GHR: variants seen among roughly 807,000 people sequenced by gnomAD.
The protein encoded by GHR is GH receptor.
A neutral mutation model predicts 67.1 loss-of-function variants in GHR; 35 were observed. The observed-to-expected ratio is 0.52, with a 90% CI of 0.40 to 0.69. The LOEUF is 0.69. GHR is among the 30% of genes least tolerant of loss of function. GHR has a pLI of 0.00. For missense variants in GHR, 792 were observed against 764.6 expected (o/e 1.04, Z -0.42); for synonymous variants, 272 against 269.1 (o/e 1.01, Z -0.10).
At chr5:42,488,307 C>G (rs1745968673) in intron 1 of GHR, among the ~76,000 whole-genome samples, 1 of 152,112 alleles carries the variant, frequency 6.6e-6, no homozygotes, top group South Asian at 2.1e-4. Context: ...GATGGGAAAA[C>G]TGAGGTCCAG....
At chr5:42,470,819 G>A (rs549163148) in intron 1 of GHR, among the ~76,000 whole-genome samples, 16 of 152,210 alleles carry the variant, frequency 1.1e-4, no homozygotes, top group South Asian at 8.3e-4. Flanking sequence ...TCTAAATTTG[G>A]AGTAAAAAAT....
rs16872586 is a variant in GHR at position 42,467,879 on chromosome 5, T to C, written c.-12+43924T>C. ...AAGGCTGTATTTTCCCACAGATTTCTTACATTTCTGGTCTTCCTCTTCTTT... is the reference window on the plus strand; with the variant it reads ...AAGGCTGTATTTTCCCACAGATTTCCTACATTTCTGGTCTTCCTCTTCTTT... On this transcript the variant is annotated intron_variant, in intron 1 of 9. Coordinates refer to ENST00000230882, the MANE Select transcript of GHR (RefSeq NM_000163.5). The C allele has an allele frequency of 5.3e-3, 4,572 of 854,966 alleles. 141 individuals carry two copies. The African/African-American group carries it at 0.069, about 13-fold the overall frequency. 53.0% of individuals were successfully genotyped at this position (854,966 alleles called of 1,614,324 possible).
chr5:42,638,206 A>G (rs1182844607), intron 3 of GHR, among the ~76,000 whole-genome samples: 1 of 151,806 alleles, frequency 6.6e-6, no homozygotes, highest in Non-Finnish European at 1.5e-5. Context: ...CCCAAATACT[A>G]TACTGCCCCC....
At chr5:42,586,739 G>T (rs544619930) in intron 2 of GHR, among the ~76,000 whole-genome samples, 57 of 152,142 alleles carry the variant, frequency 3.7e-4, no homozygotes, top group African/African-American at 1.3e-3. Context: ...CCTCACCAAG[G>T]CCCCACTGAC....
At position 42,489,218 on chromosome 5, in the gene GHR, T is replaced by C. The variant is rs72561787; in HGVS notation, c.-12+65263T>C. ...CCCCACTCTTCTTACCTCATTTTCC[T>C]AGTCCTCTTTTCTTCTTTTTTTCAC... On this transcript the variant is annotated intron_variant, in intron 1 of 9. Coordinates refer to ENST00000230882, the MANE Select transcript of GHR (RefSeq NM_000163.5). Among the ~76,000 whole-genome samples, 1,253 of 152,312 alleles carry C rather than the reference T, an allele frequency of 8.2e-3. 24 individuals are homozygous for C. Among genetic ancestry groups the C allele is most frequent in the African/African-American group, 0.029 (1,200 of 41,582 alleles).
At chr5:42,563,345 T>C (rs2112465850) in intron 1 of GHR, among the ~76,000 whole-genome samples, 1 of 152,134 alleles carries the variant, frequency 6.6e-6, no homozygotes, top group East Asian at 1.9e-4. Flanking sequence ...CTGGGCACGG[T>C]GGCTCATACC....
At position 42,718,056 on chromosome 5, in the gene GHR, A is replaced by C. The variant is rs1758805541; in HGVS notation, c.880A>C (p.Lys294Gln). The C allele has an allele frequency of 6.4e-7, 1 of 1,566,626 alleles. No individual in the cohort carries two copies. Among genetic ancestry groups the C allele is most frequent in the South Asian group, 1.1e-5 (1 of 90,162 alleles). The stretch of plus-strand genomic sequence containing the variant: ...AAAATTTTATATGTTTTCAAGGATT[A>C]AAATGCTGATTCTGCCCCCAGTTCC... ...VFLFSKQQRI[K>Q]MLILPPVPVP... The change falls in exon 9 of 10, where the codon AAA (lysine) becomes CAA (glutamine). Residue 294 changes from lysine (K) to glutamine (Q), a missense_variant. Coordinates refer to ENST00000230882, the MANE Select transcript of GHR (RefSeq NM_000163.5).
In GHR at chr5:42,699,805, G is replaced by T; in HGVS notation, c.440-19G>T. 1 of 1,554,190 alleles carries T rather than the reference G, an allele frequency of 6.4e-7. No individual in the cohort carries two copies. Among genetic ancestry groups the T allele is most frequent in the Non-Finnish European group, 8.9e-7 (1 of 1,125,442 alleles). ...AAATTGTGTCTGTCTGTGTACTAAT[G>T]CTCTGTTGAATTGCACAGTGCAACC... On this transcript the variant is annotated intron_variant, in intron 5 of 9. Coordinates refer to ENST00000230882, the MANE Select transcript of GHR (RefSeq NM_000163.5).
chr5:42,702,636 G>A (rs1757985091), intron 6 of GHR, among the ~76,000 whole-genome samples: 1 of 151,922 alleles, frequency 6.6e-6, no homozygotes, highest in Non-Finnish European at 1.5e-5. Flanking sequence ...TTTCCATAGA[G>A]GGTATACTAA....
At chr5:42,613,137 C>G (rs1428003621) in intron 2 of GHR, among the ~76,000 whole-genome samples, 1 of 152,120 alleles carries the variant, frequency 6.6e-6, no homozygotes, top group Non-Finnish European at 1.5e-5. Context: ...ACCTACTTAG[C>G]CATTCTCCAG....
intron 2 of GHR, 24 bp downstream of exon 2, chr5:42,565,968 A>G (rs1009355322): frequency 6.2e-7 from 1 of 1,613,352 alleles, no homozygotes; most frequent in South Asian, 1.1e-5. Context: ...TTCCATTTCC[A>G]CCCTCAGTGT....
intron 2 of GHR, among the ~76,000 whole-genome samples, chr5:42,573,872 C>A (rs888365929): frequency 3.9e-5 from 6 of 152,024 alleles, no homozygotes; most frequent in Non-Finnish European, 7.4e-5. Flanking sequence ...AATTTTTTGG[C>A]AAAACCTTCC....
chr5:42,564,381 A>T (rs1478966154), intron 1 of GHR, among the ~76,000 whole-genome samples: 4 of 151,108 alleles, frequency 2.6e-5, no homozygotes, highest in East Asian at 2.0e-4. Context: ...AATCTCACAA[A>T]GTGTGTTCAT....
At chr5:42,489,583 T>A (rs1746026060) in intron 1 of GHR, among the ~76,000 whole-genome samples, 1 of 152,188 alleles carries the variant, frequency 6.6e-6, no homozygotes, top group Non-Finnish European at 1.5e-5. Context: ...ATGCAACAAC[T>A]ACAAAAGAAT....
chr5:42,686,379 A>C (rs1220454215), intron 3 of GHR, among the ~76,000 whole-genome samples: 1 of 152,146 alleles, frequency 6.6e-6, no homozygotes, highest in Non-Finnish European at 1.5e-5. Context: ...CAATAAAAAA[A>C]GAAAATTTTA....
intron 2 of GHR, among the ~76,000 whole-genome samples, chr5:42,580,983 C>T (rs1579988277): frequency 6.6e-6 from 1 of 152,280 alleles, no homozygotes; most frequent in East Asian, 1.9e-4. Context: ...TGAAAATTAC[C>T]ACTGAGTATT....
intron 1 of GHR, among the ~76,000 whole-genome samples, chr5:42,556,262 T>C (rs1294568655): frequency 2.0e-5 from 3 of 152,188 alleles, no homozygotes; most frequent in African/African-American, 4.8e-5. Flanking sequence ...AAGTATTTAG[T>C]ATACTATAAA....
In GHR at chr5:42,721,617, T is replaced by C. The variant is rs1430594635; in HGVS notation, c.*2193T>C. Reference sequence around the variant, plus strand: ...TCAAAGCTGTGTGTTTGGAAGACTATCTTACTATTTCACAACAGCCTGACA... The same window carrying C: ...TCAAAGCTGTGTGTTTGGAAGACTACCTTACTATTTCACAACAGCCTGACA... On this transcript the variant is annotated 3_prime_UTR_variant, in exon 10 of 10. Transcript: ENST00000230882. 2.0e-5 allele frequency: 3 copies of C among 152,648 alleles called. No homozygotes were observed. Among genetic ancestry groups the C allele is most frequent in the African/African-American group, 7.2e-5 (3 of 41,464 alleles). The allele number at this position is 152,648 out of a possible 1,614,324, so 9.5% of individuals were successfully genotyped here.
At chr5:42,449,071 G>T (rs1743940073) in intron 1 of GHR, among the ~76,000 whole-genome samples, 1 of 152,124 alleles carries the variant, frequency 6.6e-6, no homozygotes, top group Non-Finnish European at 1.5e-5. Flanking sequence ...GTAGTGTGAT[G>T]CCTCCAGATT....
Sources: allele counts gnomAD v4.1 joint callset (sites outside exome capture counted in the v4.1 genomes callset), GRCh38; gene constraint gnomAD v4.1.1; transcripts MANE v1.5; gene names NCBI Gene and HGNC (gene_info 2026-07-23, HGNC 2026-07-21).